The following OTOGL variants were observed in gnomAD, a reference collection of about 807,000 sequenced individuals.
OTOGL encodes the protein otogelin-like protein.
In OTOGL, 285 loss-of-function variants were observed where a neutral mutation model predicts 318.5. The observed-to-expected ratio is 0.89, with a 90% confidence interval of 0.81 to 0.99. The LOEUF (loss-of-function observed/expected upper bound fraction) is 0.99, where lower values mean the gene tolerates loss of function less well. Ranked by LOEUF, OTOGL falls within the 50% of genes least tolerant of loss-of-function variation. The pLI is 0.00. For missense variants in OTOGL, 2,899 were observed against 2,845.6 expected, an observed-to-expected ratio of 1.02 and a Z score of -0.43; for synonymous variants, 987 against 936.5, an observed-to-expected ratio of 1.05 and a Z score of -0.99.
At chr12:80,101,216 G>GA (rs1869116847) in intron 1 of OTOGL, among the ~76,000 whole-genome samples, 1 of 152,166 alleles carries the variant, frequency 6.6e-6, no homozygotes, top group East Asian at 1.9e-4. Flanking sequence ...CTACGTGAAA[G>GA]GTTGATGTTT....
At chr12:80,170,213 G>C (rs10862075) in intron 1 of OTOGL, among the ~76,000 whole-genome samples, 1 of 116,816 alleles carries the variant, frequency 8.6e-6, no homozygotes. Context: ...GTGTGTGTGT[G>C]TATGTATGTG....
chr12:80,110,056 T>C (rs970214766), intron 1 of OTOGL, among the ~76,000 whole-genome samples: 3 of 145,192 alleles, frequency 2.1e-5, no homozygotes, highest in African/African-American at 7.7e-5. Flanking sequence ...TTAGTTTTTT[T>C]TTCTTTCTTT....
chr12:80,249,497 C>A (rs866616803), intron 11 of OTOGL, among the ~76,000 whole-genome samples: 47 of 151,672 alleles, frequency 3.1e-4, no homozygotes, highest in Non-Finnish European at 2.4e-4. Context: ...GGTCAGGGAC[C>A]CACTTGAGGA....
At chr12:80,150,119 T>C (rs1872691935) in intron 1 of OTOGL, among the ~76,000 whole-genome samples, 1 of 152,200 alleles carries the variant, frequency 6.6e-6, no homozygotes, top group South Asian at 2.1e-4. Context: ...AAAAAATGAA[T>C]GCCAATAATT....
At chr12:80,351,021 T>C (rs1396174622) in intron 44 of OTOGL, among the ~76,000 whole-genome samples, 1 of 152,184 alleles carries the variant, frequency 6.6e-6, no homozygotes, top group Non-Finnish European at 1.5e-5. Context: ...TGTCTAGTGG[T>C]TTTGTAGTTT....
chr12:80,308,738 G>T (rs1367652036), intron 29 of OTOGL, among the ~76,000 whole-genome samples: 1 of 152,226 alleles, frequency 6.6e-6, no homozygotes, highest in Non-Finnish European at 1.5e-5. Context: ...GCCGAGGCTG[G>T]CGGATCACTC....
At chr12:80,123,309 T>C (rs1870601571) in intron 1 of OTOGL, among the ~76,000 whole-genome samples, 1 of 152,136 alleles carries the variant, frequency 6.6e-6, no homozygotes, top group African/African-American at 2.4e-5. Context: ...TTGCGATAGT[T>C]TGCTGAGAAT....
chr12:80,214,442 A>G (rs142852799), intron 4 of OTOGL, among the ~76,000 whole-genome samples: 1 of 152,326 alleles, frequency 6.6e-6, no homozygotes, highest in East Asian at 1.9e-4. Context: ...GGCACTTTCT[A>G]TAGTCTTTTC....
At chr12:80,156,258 C>T (rs1873109763) in intron 1 of OTOGL, among the ~76,000 whole-genome samples, 1 of 152,148 alleles carries the variant, frequency 6.6e-6, no homozygotes, top group East Asian at 1.9e-4. Context: ...CATCTTTCTC[C>T]CTTGCTGAAT....
rs11114374 is a variant in OTOGL, at chr12:80,255,224, A to C, written c.1587+39A>C. ...AAAATGACCAGAGGAATATGGATTC[A>C]CTGATTTTTGCTTAAACTTCATTTC... is the stretch of plus-strand genomic sequence containing the variant. On this transcript the variant is annotated intron_variant, in intron 16 of 58. Coordinates refer to ENST00000547103, the MANE Select transcript of OTOGL (RefSeq NM_001378609.3). 139,564 of 1,354,252 alleles carry C rather than the reference A, an allele frequency of 0.1. 9,186 individuals are homozygous for C. The highest frequency in any genetic ancestry group is 0.31 in the African/African-American group (20,821 of 66,560). The allele number at this position is 1,354,252 out of a possible 1,614,324, so 83.9% of individuals were successfully genotyped here. A position where few individuals can be genotyped will look rare whatever the true frequency, so the allele number is the denominator to read the frequency against.
At chr12:80,308,192 C>T (rs770636830) in intron 29 of OTOGL, among the ~76,000 whole-genome samples, 7,469 of 149,352 alleles carry the variant, frequency 0.05, 291 homozygotes, top group Admixed American at 0.1. Context: ...CGGGCGGAGA[C>T]ACTCCTCACT....
At position 80,378,092 on chromosome 12, in the gene OTOGL, T is replaced by C; in HGVS notation, c.*44T>C. The C allele has an allele frequency of 7.2e-7, 1 of 1,397,490 alleles. No individual in the cohort carries two copies. Among genetic ancestry groups the C allele is most frequent in the South Asian group, 1.3e-5 (1 of 76,598 alleles). 86.6% of individuals were successfully genotyped at this position (1,397,490 alleles called of 1,614,324 possible). ...CTCTATACAACATCATAACGTCAGA[T>C]AGAATTAACTTTTATTGCTATTACT... On this transcript the variant is annotated 3_prime_UTR_variant, in exon 59 of 59. Coordinates refer to ENST00000547103, the MANE Select transcript of OTOGL (RefSeq NM_001378609.3).
intron 1 of OTOGL, among the ~76,000 whole-genome samples, chr12:80,119,311 A>G (rs1870349347): frequency 6.6e-6 from 1 of 152,196 alleles, no homozygotes; most frequent in Non-Finnish European, 1.5e-5. Context: ...CTCTGTAAGC[A>G]GTCAGAAGCA....
At chr12:80,317,584 A>G (rs953161776) in intron 32 of OTOGL, among the ~76,000 whole-genome samples, 1 of 152,146 alleles carries the variant, frequency 6.6e-6, no homozygotes, top group African/African-American at 2.4e-5. Context: ...ATTGTATCTC[A>G]TTATAATTCA....
At chr12:80,253,762 CACTT>C (rs1193867324) in intron 14 of OTOGL, among the ~76,000 whole-genome samples, 188 bp downstream of exon 14, 1 of 152,112 alleles carries the variant, frequency 6.6e-6, no homozygotes, top group Admixed American at 6.6e-5. Context: ...TAATTCTTAT[CACTT>C]ACCTTGGTAA....
chr12:80,341,519 A>G (rs1888765993), intron 43 of OTOGL, among the ~76,000 whole-genome samples: 1 of 152,154 alleles, frequency 6.6e-6, no homozygotes, highest in African/African-American at 2.4e-5. Flanking sequence ...AAAAATATTT[A>G]ATATTTTCAG....
intron 1 of OTOGL, chr12:80,103,382 G>T (rs1180998043): frequency 2.2e-6 from 2 of 927,142 alleles, no homozygotes; most frequent in Non-Finnish European, 3.5e-6. Flanking sequence ...TTTCTTGCAG[G>T]CTTCACATTC....
chr12:80,204,505 CGTTT>C (rs1876678238), intron 1 of OTOGL, among the ~76,000 whole-genome samples: 2 of 151,936 alleles, frequency 1.3e-5, no homozygotes, highest in South Asian at 4.2e-4. Context: ...TTTTGAAGAA[CGTTT>C]GTTTGTAAGT....
intron 1 of OTOGL, among the ~76,000 whole-genome samples, chr12:80,190,833 T>A (rs191937567): frequency 6.6e-6 from 1 of 151,890 alleles, no homozygotes; most frequent in East Asian, 1.9e-4. Context: ...ATCCAAGTTT[T>A]GTTTCATGTT....
Sources: gnomAD v4.1 joint callset for allele counts (sites outside exome capture counted in the v4.1 genomes callset) on GRCh38, gnomAD v4.1.1 for gene constraint, MANE v1.5 for transcripts, NCBI Gene and HGNC (gene_info 2026-07-23, HGNC 2026-07-21) for gene names.